The following EDIL3 variants were observed in gnomAD, a reference collection of about 807,000 sequenced individuals.
EDIL3 encodes the protein EGF like and discoidin domains 3, also known as EGF-like repeat and discoidin I-like domain-containing protein 3.
EDIL3 carries 37 observed loss-of-function variants against 67.4 expected under a neutral mutation model. The observed-to-expected ratio is 0.55, with a 90% CI of 0.42 to 0.72. The LOEUF (loss-of-function observed/expected upper bound fraction) is 0.72, where lower values mean the gene tolerates loss of function less well. Ranked by LOEUF, EDIL3 falls within the 30% of genes least tolerant of loss-of-function variation. The probability of loss-of-function intolerance (pLI) is 0.00; values close to 1 mark genes in which losing one functional copy is unlikely to be tolerated. For missense variants in EDIL3, 527 were observed against 586.3 expected (o/e 0.90, Z 1.04); for synonymous variants, 195 against 196.3 (o/e 0.99, Z 0.05).
chr5:84,161,033 T>C (rs1748604409), intron 4 of EDIL3, among the ~76,000 whole-genome samples: 1 of 151,952 alleles, frequency 6.6e-6, no homozygotes, highest in Non-Finnish European at 1.5e-5. Context: ...CATTATATCA[T>C]TCTTAAGCTT....
chr5:83,948,366 A>C (rs1327727801), intron 10 of EDIL3, among the ~76,000 whole-genome samples: 1 of 151,750 alleles, frequency 6.6e-6, no homozygotes, highest in Non-Finnish European at 1.5e-5. Context: ...GACTGTCAAA[A>C]ATTTCAGAGT....
intron 9 of EDIL3, among the ~76,000 whole-genome samples, chr5:84,011,192 G>A (rs1322065955): frequency 6.6e-6 from 1 of 151,960 alleles, no homozygotes; most frequent in Non-Finnish European, 1.5e-5. Flanking sequence ...ATTTTTAGTA[G>A]CTACATCACT....
At chr5:84,137,217 AC>A in intron 5 of EDIL3, 23 bp downstream of exon 5, 20 of 1,550,140 alleles carry the variant, frequency 1.3e-5, no homozygotes, top group Non-Finnish European at 1.7e-5. Flanking sequence ...ACACACACAC[AC>A]ATACACACAC....
intron 9 of EDIL3, among the ~76,000 whole-genome samples, chr5:84,038,265 G>A (rs1479700835): frequency 6.6e-6 from 1 of 152,002 alleles, no homozygotes; most frequent in East Asian, 1.9e-4. Flanking sequence ...TTTCCCACCT[G>A]TGTTCCAAAT....
chr5:84,021,950 A>T (rs564740586), intron 9 of EDIL3, among the ~76,000 whole-genome samples: 5 of 152,116 alleles, frequency 3.3e-5, no homozygotes, highest in African/African-American at 1.2e-4. Flanking sequence ...AGATGAAATC[A>T]TTGCCTAATT....
intron 9 of EDIL3, among the ~76,000 whole-genome samples, chr5:84,037,988 G>GTTTTTTTTTTTTTTTTTTTT (rs67762520): frequency 1.0e-5 from 1 of 99,748 alleles, no homozygotes; most frequent in African/African-American, 4.5e-5. Flanking sequence ...TTTCTTTCTT[G>GTTTTTTTTTTTTTTTTTTTT]TTTTTTTTTT....
At chr5:84,252,458 C>G (rs1262647682) in intron 2 of EDIL3, among the ~76,000 whole-genome samples, 1 of 117,872 alleles carries the variant, frequency 8.5e-6, no homozygotes, top group African/African-American at 3.4e-5. Flanking sequence ...CGTGCCAGTG[C>G]ACCCCAGCCT....
chr5:84,169,907 C>T (rs1256862702), intron 4 of EDIL3, among the ~76,000 whole-genome samples: 1 of 151,992 alleles, frequency 6.6e-6, no homozygotes, highest in African/African-American at 2.4e-5. Context: ...GATAAATGCC[C>T]AAGAGTGTAA....
In EDIL3 at chr5:84,045,173, G is replaced by A. The variant is rs190324430; in HGVS notation, c.1137+15127C>T. On this transcript the variant is annotated intron_variant, in intron 9 of 10. Coordinates refer to ENST00000296591, the MANE Select transcript of EDIL3 (RefSeq NM_005711.5). ...TTCATTACCATGAGAGAGGTATGAG[G>A]GAAACTGCCCCCATGATTTAATTAT... Among the ~76,000 whole-genome samples, 8 of 152,120 alleles carry A rather than the reference G, an allele frequency of 5.3e-5. No individual in the cohort carries two copies. In the East Asian group the frequency reaches 1.5e-3, roughly 29 times the overall value.
chr5:84,376,778 G>T (rs1210413822), intron 1 of EDIL3, among the ~76,000 whole-genome samples: 1 of 152,130 alleles, frequency 6.6e-6, no homozygotes, highest in Non-Finnish European at 1.5e-5. Context: ...GTCTGTTTGG[G>T]TCTTCTTGTT....
intron 3 of EDIL3, among the ~76,000 whole-genome samples, chr5:84,204,502 A>G (rs1342510813): frequency 6.6e-6 from 1 of 152,122 alleles, no homozygotes; most frequent in African/African-American, 2.4e-5. Context: ...TTTAAATAAA[A>G]ATTTATTTCA....
intron 9 of EDIL3, among the ~76,000 whole-genome samples, chr5:83,963,655 GT>G (rs10708401): frequency 0.32 from 42,332 of 132,918 alleles, 5,873 homozygotes; most frequent in East Asian, 0.59. Flanking sequence ...ATTTGTGCAG[GT>G]TTTTTTTTTT....
chr5:84,179,683 T>C (rs1748982256), intron 4 of EDIL3, among the ~76,000 whole-genome samples: 1 of 152,146 alleles, frequency 6.6e-6, no homozygotes, highest in Non-Finnish European at 1.5e-5. Context: ...CTGTCCCTCC[T>C]TCAAGACTCA....
chr5:84,281,461 T>G (rs1210143422), intron 1 of EDIL3, among the ~76,000 whole-genome samples: 1 of 152,248 alleles, frequency 6.6e-6, no homozygotes, highest in Non-Finnish European at 1.5e-5. Flanking sequence ...TAAATCTGAC[T>G]CATGTTTCCA....
chr5:84,311,149 T>C (rs1417218963), intron 1 of EDIL3, among the ~76,000 whole-genome samples: 1 of 152,130 alleles, frequency 6.6e-6, no homozygotes, highest in Non-Finnish European at 1.5e-5. Flanking sequence ...ATATAAATAA[T>C]GCCACTATAG....
At chr5:84,311,581 T>G in intron 1 of EDIL3, among the ~76,000 whole-genome samples, 1 of 151,866 alleles carries the variant, frequency 6.6e-6, no homozygotes, top group South Asian at 2.1e-4. Context: ...TTTTTTTTAT[T>G]GATCATTCTT....
At chr5:84,237,671 G>A (rs1345886698) in intron 2 of EDIL3, among the ~76,000 whole-genome samples, 1 of 151,984 alleles carries the variant, frequency 6.6e-6, no homozygotes, top group Admixed American at 6.6e-5. Flanking sequence ...ATTAAATAAA[G>A]TCCATAATCC....
At chr5:84,229,787 A>G in intron 3 of EDIL3, 68 bp downstream of exon 3, 1 of 1,469,258 alleles carries the variant, frequency 6.8e-7, no homozygotes, top group South Asian at 1.3e-5. Context: ...ATTACTCAAA[A>G]GGTTGACTCT....
intron 1 of EDIL3, among the ~76,000 whole-genome samples, chr5:84,314,734 A>G (rs1746475407): frequency 6.6e-6 from 1 of 152,152 alleles, no homozygotes; most frequent in Non-Finnish European, 1.5e-5. Context: ...ATAGAATTAT[A>G]GCCTATAAAT....
Sources: allele counts gnomAD v4.1 joint callset (sites outside exome capture counted in the v4.1 genomes callset), GRCh38; gene constraint gnomAD v4.1.1; transcripts MANE v1.5; gene names NCBI Gene and HGNC (gene_info 2026-07-23, HGNC 2026-07-21).